The following MINDY4 variants were observed in gnomAD, a reference collection of about 807,000 sequenced individuals.
MINDY4 encodes the protein MINDY lysine 48 deubiquitinase 4.
Under a neutral mutation model 87.0 loss-of-function variants are expected in MINDY4, and 68 were observed. The observed-to-expected ratio is 0.78, with a 90% confidence interval of 0.64 to 0.96. MINDY4 has a LOEUF of 0.96. Among genes scored for constraint, MINDY4 ranks in the 40% least tolerant of loss-of-function variants. The pLI, the probability that MINDY4 is intolerant of heterozygous loss-of-function variation, is 0.00. For synonymous variants in MINDY4, 379 were observed against 363.2 expected (o/e 1.04, Z -0.50); for missense variants, 919 against 928.2 (o/e 0.99, Z 0.13).
At chr7:30,780,130 C>T (rs1378176531) in intron 2 of MINDY4, 1 of 152,208 alleles carries the variant, frequency 6.6e-6, no homozygotes, top group African/African-American at 2.4e-5. Context: ...TCCTCTGGGT[C>T]CTGGGGTGAC....
At chr7:30,783,462 C>T (rs1031919123) in intron 3 of MINDY4, among the ~76,000 whole-genome samples, 1 of 152,174 alleles carries the variant, frequency 6.6e-6, no homozygotes, top group African/African-American at 2.4e-5. Flanking sequence ...CCCACTTATG[C>T]CTAGTGTTCC....
chr7:30,831,281 G>A (rs140100692), intron 6 of MINDY4, among the ~76,000 whole-genome samples: 1 of 152,026 alleles, frequency 6.6e-6, no homozygotes, highest in Non-Finnish European at 1.5e-5. Flanking sequence ...CCTTGCACTC[G>A]TTCCTTTTTC....
At chr7:30,865,585 C>T (rs2128576254) in intron 13 of MINDY4, among the ~76,000 whole-genome samples, 1 of 152,234 alleles carries the variant, frequency 6.6e-6, no homozygotes, top group African/African-American at 2.4e-5. Flanking sequence ...TAGATCTCTG[C>T]CTCGCTTCCT....
At chr7:30,813,307 A>G (rs1330752998) in intron 5 of MINDY4, among the ~76,000 whole-genome samples, 2 of 152,098 alleles carry the variant, frequency 1.3e-5, no homozygotes, top group African/African-American at 4.8e-5. Flanking sequence ...CCTGTTAAGG[A>G]TCTGGGAGGG....
At chr7:30,820,445 C>A (rs1489895590) in intron 5 of MINDY4, among the ~76,000 whole-genome samples, 1 of 152,020 alleles carries the variant, frequency 6.6e-6, no homozygotes, top group African/African-American at 2.4e-5. Flanking sequence ...GTTGTATAAC[C>A]ACCACCTCTG....
At chr7:30,860,019 G>A (rs543005463) in intron 13 of MINDY4, among the ~76,000 whole-genome samples, 225 of 152,264 alleles carry the variant, frequency 1.5e-3, no homozygotes, top group Non-Finnish European at 2.6e-3. Context: ...GATTAATAGC[G>A]CATGAACGGT....
At chr7:30,815,579 A>G (rs1284381342) in intron 5 of MINDY4, among the ~76,000 whole-genome samples, 1 of 152,208 alleles carries the variant, frequency 6.6e-6, no homozygotes, top group Non-Finnish European at 1.5e-5. Context: ...TGGGCTAGCA[A>G]CATTTTGCTT....
At chr7:30,804,021 G>A (rs1265635907) in intron 5 of MINDY4, among the ~76,000 whole-genome samples, 3 of 152,218 alleles carry the variant, frequency 2.0e-5, no homozygotes, top group Non-Finnish European at 4.4e-5. Flanking sequence ...GGAGTACTGG[G>A]TGTATGCCTT....
At chr7:30,815,153 T>G (rs1373878991) in intron 5 of MINDY4, among the ~76,000 whole-genome samples, 1 of 152,210 alleles carries the variant, frequency 6.6e-6, no homozygotes, top group Non-Finnish European at 1.5e-5. Flanking sequence ...ACACAGCTTT[T>G]CAGTCCACTG....
chr7:30,807,689 G>A (rs941791217), intron 5 of MINDY4, among the ~76,000 whole-genome samples: 3 of 152,174 alleles, frequency 2.0e-5, no homozygotes, highest in African/African-American at 7.2e-5. Context: ...AATCAGTTAT[G>A]TTATCTATAC....
chr7:30,890,976 C>T (rs1790777811), intron 17 of MINDY4, among the ~76,000 whole-genome samples: 1 of 152,050 alleles, frequency 6.6e-6, no homozygotes, highest in Admixed American at 6.5e-5. Flanking sequence ...GTGAGAAAAG[C>T]TTCCCCTTTT....
chr7:30,798,148 G>A (rs1027733397), intron 5 of MINDY4, among the ~76,000 whole-genome samples: 2 of 152,184 alleles, frequency 1.3e-5, no homozygotes, highest in African/African-American at 4.8e-5. Context: ...CACCTGGACA[G>A]CATGTTGCCG....
chr7:30,810,394 C>A (rs1467885903), intron 5 of MINDY4, among the ~76,000 whole-genome samples: 3 of 148,206 alleles, frequency 2.0e-5, no homozygotes, highest in African/African-American at 5.0e-5. Flanking sequence ...GTAAAATATA[C>A]CTTTGGTAAA....
chr7:30,856,529 C>T (rs182409351), intron 12 of MINDY4, among the ~76,000 whole-genome samples: 90 of 151,992 alleles, frequency 5.9e-4, no homozygotes, highest in Middle Eastern at 3.4e-3. Context: ...TTGGGGTTTA[C>T]AGTGGGTTTC....
Position 30,829,046 on chromosome 7 carries a change from T to A in MINDY4, c.1132+309T>A, listed in dbSNP as rs17159487. Among the ~76,000 whole-genome samples the A allele has an allele frequency of 7.2e-5, 11 of 152,170 alleles. 2 individuals are homozygous for A. The highest frequency in any genetic ancestry group is 2.7e-4 in the African/African-American group (11 of 41,482). ...AGTAATGGCCTCTTAGTAAGTTAACTAAGGTCTCCAGAAAACAGTTCTCAT... is the reference window on the plus strand; with the variant it reads ...AGTAATGGCCTCTTAGTAAGTTAACAAAGGTCTCCAGAAAACAGTTCTCAT... On this transcript the variant is annotated intron_variant, in intron 6 of 17. Coordinates refer to ENST00000265299, the MANE Select transcript of MINDY4 (RefSeq NM_032222.3).
intron 5 of MINDY4, among the ~76,000 whole-genome samples, chr7:30,798,730 C>T (rs1307593531): frequency 6.6e-6 from 1 of 152,178 alleles, no homozygotes; most frequent in Non-Finnish European, 1.5e-5. Context: ...AATCTCTTGA[C>T]CTTGTGATCC....
At chr7:30,861,272 C>T (rs1789757345) in intron 13 of MINDY4, among the ~76,000 whole-genome samples, 1 of 152,198 alleles carries the variant, frequency 6.6e-6, no homozygotes, top group Non-Finnish European at 1.5e-5. Context: ...AGTGTGTAGG[C>T]AGGTCTCATT....
chr7:30,887,744 A>G (rs1790676259), intron 17 of MINDY4, among the ~76,000 whole-genome samples: 1 of 152,226 alleles, frequency 6.6e-6, no homozygotes, highest in Non-Finnish European at 1.5e-5. Context: ...TGGTTAAACC[A>G]GCTTTGCCTT....
At chr7:30,780,176 A>G (rs961761706) in intron 2 of MINDY4, 3 of 152,162 alleles carry the variant, frequency 2.0e-5, no homozygotes, top group African/African-American at 7.2e-5. Flanking sequence ...TGTAGCAAGT[A>G]CTTTCTAAGT....
Sources: allele counts gnomAD v4.1 joint callset (sites outside exome capture counted in the v4.1 genomes callset), GRCh38; gene constraint gnomAD v4.1.1; transcripts MANE v1.5; gene names NCBI Gene and HGNC (gene_info 2026-07-23, HGNC 2026-07-21).